The following DMXL2 variants were observed in gnomAD, a reference collection of about 807,000 sequenced individuals.
DMXL2 encodes the protein Dmx like 2.
Under a neutral mutation model 331.1 loss-of-function variants are expected in DMXL2, and 103 were observed. That is an observed-to-expected ratio of 0.31 (90% confidence interval 0.27 to 0.37). DMXL2 has a LOEUF of 0.37. Ranked by LOEUF, DMXL2 falls within the 10% of genes least tolerant of loss-of-function variation. The probability of loss-of-function intolerance (pLI) is 1.00; values close to 1 mark genes in which losing one functional copy is unlikely to be tolerated. For missense variants in DMXL2, 3,171 were observed against 3,642.9 expected, an observed-to-expected ratio of 0.87 and a Z score of 3.33; for synonymous variants, 1,281 against 1,252.1, an observed-to-expected ratio of 1.02 and a Z score of -0.49.
intron 13 of DMXL2, among the ~76,000 whole-genome samples, chr15:51,532,875 C>T (rs2048084530): frequency 6.6e-6 from 1 of 152,026 alleles, no homozygotes; most frequent in Non-Finnish European, 1.5e-5. Flanking sequence ...TAAAATTGTT[C>T]CCATTTATAA....
At chr15:51,616,030 G>A (rs1294251904) in intron 1 of DMXL2, among the ~76,000 whole-genome samples, 3 of 151,984 alleles carry the variant, frequency 2.0e-5, no homozygotes, top group Non-Finnish European at 4.4e-5. Flanking sequence ...TAAAATCACA[G>A]GAAGAAAACA....
At chr15:51,552,419 C>G (rs528761951) in intron 6 of DMXL2, among the ~76,000 whole-genome samples, 2 of 152,176 alleles carry the variant, frequency 1.3e-5, no homozygotes, top group African/African-American at 4.8e-5. Context: ...CTTCAAAAAC[C>G]TTAGCTGCTT....
chr15:51,488,900 C>G (rs1418374797), intron 20 of DMXL2, among the ~76,000 whole-genome samples: 1 of 152,118 alleles, frequency 6.6e-6, no homozygotes, highest in Non-Finnish European at 1.5e-5. Flanking sequence ...GTCCTGGGCA[C>G]GAGTCTATGC....
rs71873179 is a variant in DMXL2, at chr15:51,467,729, C to CTT, written c.7393-1420_7393-1419dup. 5.8e-4 allele frequency among the ~76,000 whole-genome samples: 83 copies of CTT among 143,080 alleles called. 2 individuals are homozygous for CTT. The highest frequency in any genetic ancestry group is 6.6e-4 in the Non-Finnish European group (43 of 65,268). 93.9% of individuals were successfully genotyped at this position (143,080 alleles called of 152,430 possible). On this transcript the variant is annotated intron_variant, in intron 29 of 43. Transcript: ENST00000560891. ...GTTTATAGCCTTGGACCTAGTACTT[C>CTT]TTTTTTTTTTTTTTTGAGACGGAGT...
intron 13 of DMXL2, among the ~76,000 whole-genome samples, chr15:51,534,562 G>C (rs1046151445): frequency 6.6e-6 from 1 of 152,200 alleles, no homozygotes; most frequent in Non-Finnish European, 1.5e-5. Context: ...CAGGAATGAA[G>C]CAGAGGGGAA....
In DMXL2 at chr15:51,576,173, T is replaced by C. The variant is rs2051014731; in HGVS notation, c.96A>G (p.Gly32=). Residue 32 remains glycine, a synonymous_variant, in exon 2 of 44, where the codon GGA becomes GGG. Transcript: ENST00000560891. ...SVGDVPFTAY[G]SGCDIVILAN... ...CCAAAATAACAATATCACAGCCTGA[T>C]CCATATGCCTAAAAAAAAAAAAAAA... The C allele has an allele frequency of 1.1e-5, 6 of 545,462 alleles. No individual in the cohort carries two copies. The highest frequency in any genetic ancestry group is 1.3e-5 in the Non-Finnish European group (5 of 384,346). 33.8% of individuals were successfully genotyped at this position (545,462 alleles called of 1,614,324 possible).
intron 1 of DMXL2, among the ~76,000 whole-genome samples, chr15:51,606,825 GA>G (rs1330875943): frequency 2.6e-5 from 4 of 152,004 alleles, no homozygotes; most frequent in African/African-American, 9.7e-5. Flanking sequence ...AAATTGATTA[GA>G]AAAAAACATC....
At chr15:51,566,885 C>T (rs2050322068) in intron 3 of DMXL2, among the ~76,000 whole-genome samples, 1 of 152,034 alleles carries the variant, frequency 6.6e-6, no homozygotes, top group South Asian at 2.1e-4. Context: ...ATGTTTTGAA[C>T]ATTAAGTAAG....
intron 29 of DMXL2, among the ~76,000 whole-genome samples, chr15:51,469,996 A>G (rs942167410): frequency 1.2e-4 from 19 of 152,202 alleles, no homozygotes; most frequent in African/African-American, 4.3e-4. Context: ...GCTTGTTAAG[A>G]CATAGATTGT....
chr15:51,536,490 G>C lies in DMXL2; in HGVS notation c.1990C>G (p.Leu664Val), dbSNP rs1227992947. The change falls in exon 12 of 44, where the codon CTG (leucine) becomes GTG (valine). Residue 664 changes from leucine to valine, a missense_variant. Transcript: ENST00000560891. ...TTATGATGAGAGGATGTCAATAACA[G>C]TGGTAAAACTGAATGACATGCCAGG... is the stretch of plus-strand genomic sequence containing the variant. ...NDLACHSVLPLLLTSSHHNAL... is the reference protein window; with the variant it reads ...NDLACHSVLPVLLTSSHHNAL... 1 of 1,614,018 alleles carries C rather than the reference G, an allele frequency of 6.2e-7. No homozygotes were observed. The highest frequency in any genetic ancestry group is 8.5e-7 in the Non-Finnish European group (1 of 1,179,970).
At chr15:51,541,332 A>G (rs1008967949) in intron 9 of DMXL2, among the ~76,000 whole-genome samples, 3 of 152,156 alleles carry the variant, frequency 2.0e-5, no homozygotes, top group Non-Finnish European at 2.9e-5. Flanking sequence ...AATATACTTT[A>G]TTTGACTCAA....
intron 15 of DMXL2, 151 bp from the exon 16 acceptor site, chr15:51,507,404 G>T (rs548624434): frequency 3.4e-5 from 24 of 699,526 alleles, no homozygotes; most frequent in Non-Finnish European, 4.8e-5. Context: ...TATAATTTTT[G>T]TACCGAAAGT....
Position 51,576,063 on chromosome 15 carries a change from T to A in DMXL2, c.206A>T (p.Gln69Leu). ...AGAAATTAAATCCCTTACTCTTCCTTGTTGGTTAGAACACTCCACACAGCT... is the reference window on the plus strand; with the variant it reads ...AGAAATTAAATCCCTTACTCTTCCTAGTTGGTTAGAACACTCCACACAGCT... The part of the protein sequence containing the change: ...QVSCVECSNQ[Q>L]GRIAASYGNA... The change falls in exon 2 of 44, where the codon CAA (glutamine) becomes CTA (leucine). Residue 69 changes from glutamine to leucine, a missense_variant. Transcript: ENST00000560891. 6.2e-7 allele frequency: 1 copy of A among 1,606,100 alleles called. No individual in the cohort carries two copies. Among genetic ancestry groups the A allele is most frequent in the Non-Finnish European group, 8.5e-7 (1 of 1,177,586 alleles).
chr15:51,580,589 T>C (rs1164921008), intron 1 of DMXL2, among the ~76,000 whole-genome samples: 1 of 152,190 alleles, frequency 6.6e-6, no homozygotes, highest in Non-Finnish European at 1.5e-5. Context: ...TAAAACACTT[T>C]ATCTTGAAAT....
chr15:51,548,588 G>A (rs1261105904), intron 6 of DMXL2, among the ~76,000 whole-genome samples: 2 of 151,844 alleles, frequency 1.3e-5, no homozygotes, highest in Admixed American at 1.3e-4. Flanking sequence ...AATTCTACAG[G>A]TACCCGAGAG....
At chr15:51,474,264 T>C in intron 28 of DMXL2, 80 bp downstream of exon 28, 1 of 1,391,188 alleles carries the variant, frequency 7.2e-7, no homozygotes, top group African/African-American at 1.4e-5. Flanking sequence ...CAAAGTGAAA[T>C]TTCTTGAAAC....
intron 1 of DMXL2, among the ~76,000 whole-genome samples, chr15:51,586,679 A>G (rs1388281569): frequency 1.7e-4 from 26 of 152,094 alleles, no homozygotes; most frequent in Non-Finnish European, 2.9e-5. Flanking sequence ...TTGTGGTCCA[A>G]ACTAAGTCTA....
At chr15:51,532,293 T>G (rs1423592683) in intron 13 of DMXL2, among the ~76,000 whole-genome samples, 1 of 152,086 alleles carries the variant, frequency 6.6e-6, no homozygotes, top group Non-Finnish European at 1.5e-5. Flanking sequence ...AATACAAGCG[T>G]TGCATGTCCT....
At chr15:51,592,537 C>G (rs536199684) in intron 1 of DMXL2, among the ~76,000 whole-genome samples, 27 of 152,108 alleles carry the variant, frequency 1.8e-4, no homozygotes, top group Non-Finnish European at 3.7e-4. Context: ...GCAAGGCAGG[C>G]CAACATTCAA....
Sources: gnomAD v4.1 joint callset for allele counts (sites outside exome capture counted in the v4.1 genomes callset) on GRCh38, gnomAD v4.1.1 for gene constraint, MANE v1.5 for transcripts, NCBI Gene and HGNC (gene_info 2026-07-23, HGNC 2026-07-21) for gene names.